The following CACNA2D1 variants were observed in gnomAD, a reference collection of about 807,000 sequenced individuals.
The protein encoded by CACNA2D1 is voltage-dependent calcium channel subunit alpha-2/delta-1.
In CACNA2D1, 53 loss-of-function variants were observed where a neutral mutation model predicts 171.5. The observed-to-expected ratio is 0.31, with a 90% CI of 0.25 to 0.39. The LOEUF is 0.39. Among genes scored for constraint, CACNA2D1 ranks in the 10% least tolerant of loss-of-function variants. The probability of loss-of-function intolerance (pLI) is 1.00; values close to 1 mark genes in which losing one functional copy is unlikely to be tolerated. For missense variants in CACNA2D1, 903 were observed against 1,299.8 expected (o/e 0.69, Z 4.69); for synonymous variants, 442 against 443.1 (o/e 1.00, Z 0.03).
chr7:82,355,548 G>A (rs1820323791), intron 1 of CACNA2D1, among the ~76,000 whole-genome samples: 1 of 152,080 alleles, frequency 6.6e-6, no homozygotes, highest in Admixed American at 6.6e-5. Context: ...AAGCTCCAGA[G>A]TTTCCGTATG....
chr7:82,363,254 C>CTCTTTTTTTTTTTTTTTTT (rs1821286522), intron 1 of CACNA2D1, among the ~76,000 whole-genome samples: 1 of 63,420 alleles, frequency 1.6e-5, no homozygotes, highest in African/African-American at 8.4e-5. Flanking sequence ...TTATTTGTCT[C>CTCTTTTTTTTTTTTTTTTT]TTTTTTTTTT....
At chr7:82,124,164 T>C (rs1336530854) in intron 5 of CACNA2D1, among the ~76,000 whole-genome samples, 1 of 152,124 alleles carries the variant, frequency 6.6e-6, no homozygotes, top group African/African-American at 2.4e-5. Flanking sequence ...ATTTTTTAAA[T>C]GTTAGAAAAG....
intron 3 of CACNA2D1, among the ~76,000 whole-genome samples, chr7:82,233,155 G>T (rs1333344710): frequency 6.6e-6 from 1 of 151,978 alleles, no homozygotes; most frequent in East Asian, 1.9e-4. Flanking sequence ...CTTATTTCAG[G>T]TGAAAGAATT....
intron 3 of CACNA2D1, among the ~76,000 whole-genome samples, chr7:82,266,261 G>A (rs935763289): frequency 3.9e-5 from 6 of 152,146 alleles, no homozygotes; most frequent in Non-Finnish European, 7.3e-5. Context: ...AGTGCAGGGT[G>A]CTATTTGTTA....
intron 1 of CACNA2D1, among the ~76,000 whole-genome samples, chr7:82,388,904 C>T (rs926591300): frequency 3.3e-5 from 5 of 151,856 alleles, no homozygotes; most frequent in African/African-American, 9.7e-5. Context: ...TGACTGGAGG[C>T]AGGGAGTTTG....
At chr7:82,352,611 G>A (rs1166638094) in intron 1 of CACNA2D1, among the ~76,000 whole-genome samples, 1 of 152,164 alleles carries the variant, frequency 6.6e-6, no homozygotes, top group African/African-American at 2.4e-5. Flanking sequence ...GTTTAAAAAT[G>A]GGTCTGGGAG....
chr7:82,374,790 C>CAAAAAG (rs1563450757), intron 1 of CACNA2D1, among the ~76,000 whole-genome samples: 1 of 148,526 alleles, frequency 6.7e-6, no homozygotes, highest in Non-Finnish European at 1.5e-5. Context: ...AAATGCCCCC[C>CAAAAAG]AAAAAAAGAA....
At chr7:82,400,891 T>A (rs1341141888) in intron 1 of CACNA2D1, among the ~76,000 whole-genome samples, 1 of 151,652 alleles carries the variant, frequency 6.6e-6, no homozygotes, top group Non-Finnish European at 1.5e-5. Flanking sequence ...AAAAAGTGGG[T>A]GAAGGACATG....
intron 3 of CACNA2D1, among the ~76,000 whole-genome samples, chr7:82,218,785 T>C (rs1318785548): frequency 1.3e-5 from 2 of 152,180 alleles, no homozygotes; most frequent in Non-Finnish European, 2.9e-5. Context: ...AATCTTAAAC[T>C]CTATCAATAA....
At chr7:82,072,095 A>G (rs1244173139) in intron 7 of CACNA2D1, among the ~76,000 whole-genome samples, 1 of 152,154 alleles carries the variant, frequency 6.6e-6, no homozygotes, top group East Asian at 1.9e-4. Context: ...TTATTAAGTA[A>G]TTGAATCAGT....
Position 82,443,574 on chromosome 7 carries a change from G to C in CACNA2D1, c.-115C>G. 6.8e-7 allele frequency: 1 copy of C among 1,480,436 alleles called. No homozygotes were observed. Among genetic ancestry groups the C allele is most frequent in the Non-Finnish European group, 9.0e-7 (1 of 1,113,300 alleles). The allele number at this position is 1,480,436 out of a possible 1,614,324, so 91.7% of individuals were successfully genotyped here. ...CCGCCGGGACCGCGGGCGTCTGGAG[G>C]GCTGGCTGCGCCCGGGGCCCGAGGC... On this transcript the variant is annotated 5_prime_UTR_variant, in exon 1 of 39. Transcript: ENST00000356860.
chr7:82,180,556 G>T (rs186766208), intron 3 of CACNA2D1, among the ~76,000 whole-genome samples: 1 of 152,064 alleles, frequency 6.6e-6, no homozygotes, highest in Non-Finnish European at 1.5e-5. Context: ...TGTACTTTTT[G>T]TTGTTACGGT....
chr7:82,443,087 C>A (rs531121624), intron 1 of CACNA2D1, among the ~76,000 whole-genome samples: 163 of 152,324 alleles, frequency 1.1e-3, no homozygotes, highest in Non-Finnish European at 2.0e-3. Flanking sequence ...CCGTTAGAGA[C>A]GGGCTGAGAC....
chr7:82,281,520 T>G (rs1810096050), intron 3 of CACNA2D1, among the ~76,000 whole-genome samples: 1 of 152,186 alleles, frequency 6.6e-6, no homozygotes, highest in South Asian at 2.1e-4. Context: ...TATTCTCAAT[T>G]ATATGGAGTT....
intron 6 of CACNA2D1, among the ~76,000 whole-genome samples, chr7:82,087,308 T>C (rs1292281291): frequency 6.6e-6 from 1 of 152,122 alleles, no homozygotes; most frequent in Admixed American, 6.5e-5. Context: ...CGATCTGCCA[T>C]AGGAATGCAA....
intron 34 of CACNA2D1, among the ~76,000 whole-genome samples, 185 bp from the exon 35 acceptor site, chr7:81,962,680 A>T (rs757401209): frequency 2.6e-5 from 4 of 152,002 alleles, no homozygotes; most frequent in Non-Finnish European, 5.9e-5. Flanking sequence ...AAAAGAAGTC[A>T]TGAAATCAGA....
intron 2 of CACNA2D1, among the ~76,000 whole-genome samples, chr7:82,336,526 C>T (rs1818022189): frequency 6.6e-6 from 1 of 152,144 alleles, no homozygotes; most frequent in African/African-American, 2.4e-5. Context: ...TATAAGTTTT[C>T]ACTCAAAGTA....
intron 1 of CACNA2D1, among the ~76,000 whole-genome samples, chr7:82,425,955 C>G (rs1410741117): frequency 6.6e-6 from 1 of 150,744 alleles, no homozygotes; most frequent in African/African-American, 2.4e-5. Flanking sequence ...ATGGCGAAAC[C>G]CCGTCTCTTA....
At chr7:82,005,002 G>T (rs1231635193) in intron 18 of CACNA2D1, among the ~76,000 whole-genome samples, 2 of 152,068 alleles carry the variant, frequency 1.3e-5, no homozygotes, top group African/African-American at 4.8e-5. Context: ...AACCATTCTG[G>T]GAGATGGAAA....
Sources: allele counts gnomAD v4.1 joint callset (sites outside exome capture counted in the v4.1 genomes callset), GRCh38; gene constraint gnomAD v4.1.1; transcripts MANE v1.5; gene names NCBI Gene and HGNC (gene_info 2026-07-23, HGNC 2026-07-21).